The following CERKL variants were observed in gnomAD, a reference collection of about 807,000 sequenced individuals.
CERKL encodes ceramide kinase-like protein.
A neutral mutation model predicts 63.4 loss-of-function variants in CERKL; 61 were observed. That is an observed-to-expected ratio of 0.96 (90% CI 0.78 to 1.19). CERKL has a LOEUF of 1.19. Ranked by LOEUF, CERKL falls within the 50% of genes most tolerant of loss-of-function variation. CERKL has a pLI of 0.00. For synonymous variants in CERKL, 250 were observed against 230.5 expected (o/e 1.08, Z -0.77); for missense variants, 675 against 655.5 (o/e 1.03, Z -0.33).
At chr2:181,544,967 T>C (rs1687659267) in intron 10 of CERKL, among the ~76,000 whole-genome samples, 171 bp from the exon 11 acceptor site, 1 of 152,202 alleles carries the variant, frequency 6.6e-6, no homozygotes, top group Admixed American at 6.5e-5. Context: ...TCTTGCTATT[T>C]TTTAAATGAT....
intron 3 of CERKL, among the ~76,000 whole-genome samples, chr2:181,567,819 TA>T (rs1212515565): frequency 1.3e-5 from 2 of 152,168 alleles, no homozygotes; most frequent in Non-Finnish European, 2.9e-5. Context: ...TATTTAAATA[TA>T]GTAGAAAGGA....
chr2:181,574,589 T>C (rs894936994), intron 2 of CERKL, among the ~76,000 whole-genome samples: 2 of 152,152 alleles, frequency 1.3e-5, no homozygotes, highest in Admixed American at 6.5e-5. Flanking sequence ...GCAAGATGCT[T>C]ATCTCTTCGA....
chr2:181,655,713 T>A (rs987431098), intron 1 of CERKL, among the ~76,000 whole-genome samples: 1 of 152,242 alleles, frequency 6.6e-6, no homozygotes, highest in Non-Finnish European at 1.5e-5. Context: ...AATACCACAC[T>A]GTGTCTTGTT....
intron 11 of CERKL, 54 bp downstream of exon 11, chr2:181,544,646 T>G (rs750834554): frequency 9.5e-7 from 1 of 1,052,616 alleles, no homozygotes; most frequent in Non-Finnish European, 1.5e-6. Context: ...TGCAGCATCT[T>G]TTTCTACATG....
In CERKL at chr2:181,597,723, C is replaced by T. The variant is rs759613056; in HGVS notation, c.481+6114G>A. 1.8e-4 allele frequency among the ~76,000 whole-genome samples: 28 copies of T among 152,192 alleles called. 2 individuals carry two copies. Among genetic ancestry groups the T allele is most frequent in the Admixed American group, 1.7e-3 (26 of 15,280 alleles). On this transcript the variant is annotated intron_variant, in intron 2 of 12. Coordinates refer to ENST00000410087, the MANE Select transcript of CERKL (RefSeq NM_201548.5). ...TGGTGGTCACCATATTGCTTGTGCA[C>T]CAGTGGTGGGCCTCTGCTCTGCCCA...
intron 1 of CERKL, among the ~76,000 whole-genome samples, chr2:181,652,223 G>A (rs1031942849): frequency 4.6e-5 from 7 of 152,178 alleles, no homozygotes; most frequent in Non-Finnish European, 7.4e-5. Context: ...AACAAAACTG[G>A]AAGTATCATA....
chr2:181,548,399 T>C, intron 8 of CERKL, 146 bp downstream of exon 8: 1 of 683,384 alleles, frequency 1.5e-6, no homozygotes, highest in Non-Finnish European at 2.6e-6. Flanking sequence ...GTTTGCTTAC[T>C]AGGACCTGTA....
chr2:181,563,730 T>C (rs966364285), intron 4 of CERKL, among the ~76,000 whole-genome samples: 1 of 152,160 alleles, frequency 6.6e-6, no homozygotes, highest in Non-Finnish European at 1.5e-5. Flanking sequence ...CAATTTTACT[T>C]GCAAGAGAAT....
At chr2:181,654,598 C>T (rs997631900) in intron 1 of CERKL, among the ~76,000 whole-genome samples, 1 of 152,176 alleles carries the variant, frequency 6.6e-6, no homozygotes, top group Admixed American at 6.6e-5. Flanking sequence ...CAGCAATGGA[C>T]ATGCTCTCCC....
intron 4 of CERKL, among the ~76,000 whole-genome samples, chr2:181,561,004 A>G (rs1688415938): frequency 6.6e-6 from 1 of 152,186 alleles, no homozygotes; most frequent in East Asian, 1.9e-4. Context: ...CCTTTTGGCC[A>G]TGAAGGTCAC....
chr2:181,619,193 C>G (rs1398256060), intron 1 of CERKL, among the ~76,000 whole-genome samples: 1 of 152,038 alleles, frequency 6.6e-6, no homozygotes, highest in African/African-American at 2.4e-5. Flanking sequence ...CAGACCTTTC[C>G]TTTTATATGT....
chr2:181,596,669 T>C (rs569670049), intron 2 of CERKL, among the ~76,000 whole-genome samples: 2 of 152,250 alleles, frequency 1.3e-5, no homozygotes, highest in Admixed American at 6.5e-5. Context: ...CTGTCACCTA[T>C]AATTAATCCC....
chr2:181,587,715 C>A lies in CERKL; in HGVS notation c.482-13831G>T, dbSNP rs1239026722. On this transcript the variant is annotated intron_variant, in intron 2 of 12. Coordinates refer to ENST00000410087, the MANE Select transcript of CERKL (RefSeq NM_201548.5). ...TTCAAATGATAGTTGTATATTTAAT[C>A]CTTCATGAACTAGAAAATTATAAAA... Among the ~76,000 whole-genome samples the A allele has an allele frequency of 2.0e-5, 3 of 152,144 alleles. No homozygotes were observed. In the East Asian group the frequency reaches 5.8e-4, roughly 29 times the overall value.
At chr2:181,599,391 G>C (rs1685362983) in intron 2 of CERKL, among the ~76,000 whole-genome samples, 1 of 151,786 alleles carries the variant, frequency 6.6e-6, no homozygotes, top group Non-Finnish European at 1.5e-5. Context: ...ACAAAAATTA[G>C]TCGGGGGTGG....
chr2:181,623,526 G>C (rs1248374007), intron 1 of CERKL, among the ~76,000 whole-genome samples: 1 of 152,162 alleles, frequency 6.6e-6, no homozygotes, highest in African/African-American at 2.4e-5. Flanking sequence ...ATGTATTTGA[G>C]TGAAAAATGA....
chr2:181,609,428 G>A (rs913511924), intron 1 of CERKL, among the ~76,000 whole-genome samples: 1 of 149,692 alleles, frequency 6.7e-6, no homozygotes, highest in Non-Finnish European at 1.5e-5. Context: ...AGGCACAGTG[G>A]CTCACACCTG....
At chr2:181,572,262 C>A (rs1688934912) in intron 3 of CERKL, among the ~76,000 whole-genome samples, 1 of 152,108 alleles carries the variant, frequency 6.6e-6, no homozygotes, top group African/African-American at 2.4e-5. Flanking sequence ...CATCAAAGTT[C>A]TTTTATGTAT....
At chr2:181,644,025 G>T (rs1351074288) in intron 1 of CERKL, among the ~76,000 whole-genome samples, 1 of 152,214 alleles carries the variant, frequency 6.6e-6, no homozygotes, top group East Asian at 1.9e-4. Context: ...ATGCCAACAG[G>T]TGATCAGCGA....
chr2:181,595,723 A>G (rs1313635878), intron 2 of CERKL, among the ~76,000 whole-genome samples: 1 of 152,206 alleles, frequency 6.6e-6, no homozygotes, highest in Non-Finnish European at 1.5e-5. Context: ...ATAAACTAAG[A>G]GATGATAATG....
Sources: gnomAD v4.1 joint callset for allele counts (sites outside exome capture counted in the v4.1 genomes callset) on GRCh38, gnomAD v4.1.1 for gene constraint, MANE v1.5 for transcripts, NCBI Gene and HGNC (gene_info 2026-07-23, HGNC 2026-07-21) for gene names.